SOX6: variants seen among roughly 807,000 people sequenced by gnomAD.
SOX6 encodes the protein SRY-box transcription factor 6, also known as transcription factor SOX-6.
Under a neutral mutation model 97.8 loss-of-function variants are expected in SOX6, and 11 were observed. That is an observed-to-expected ratio of 0.11 (90% CI 0.07 to 0.19). The LOEUF (loss-of-function observed/expected upper bound fraction) is 0.19, where lower values mean the gene tolerates loss of function less well. SOX6 is among the 10% of genes least tolerant of loss of function. SOX6 has a pLI of 1.00. For synonymous variants in SOX6, 360 were observed against 371.4 expected (o/e 0.97, Z 0.35); for missense variants, 810 against 1,039.5 (o/e 0.78, Z 3.04).
intron 1 of SOX6, among the ~76,000 whole-genome samples, chr11:16,455,081 T>A (rs1859788179): frequency 6.6e-6 from 1 of 152,022 alleles, no homozygotes; most frequent in South Asian, 2.1e-4. Context: ...GGACATAATT[T>A]CCCACTTGAA....
intron 3 of SOX6, among the ~76,000 whole-genome samples, chr11:16,304,260 T>G (rs1855351714): frequency 6.6e-6 from 1 of 152,184 alleles, no homozygotes; most frequent in South Asian, 2.1e-4. Flanking sequence ...TGCTGTGTTC[T>G]GAATTTTGTG....
At chr11:16,692,958 G>T (rs1482475316) in intron 3 of SOX6, among the ~76,000 whole-genome samples, 1 of 152,038 alleles carries the variant, frequency 6.6e-6, no homozygotes, top group Non-Finnish European at 1.5e-5. Flanking sequence ...GTCAAATACT[G>T]GCACTTTCAT....
chr11:16,407,514 T>C (rs1858712272), intron 1 of SOX6, among the ~76,000 whole-genome samples: 2 of 152,180 alleles, frequency 1.3e-5, no homozygotes, highest in African/African-American at 4.8e-5. Flanking sequence ...TCCCTACATG[T>C]AGCTTTAGGG....
At chr11:16,248,130 T>C (rs1202443986) in intron 3 of SOX6, among the ~76,000 whole-genome samples, 3 of 152,300 alleles carry the variant, frequency 2.0e-5, no homozygotes, top group African/African-American at 7.2e-5. Context: ...ATGTCTCACA[T>C]CCAGGTCATG....
At chr11:16,389,524 TTATC>T (rs1371844867) in intron 1 of SOX6, among the ~76,000 whole-genome samples, 1 of 152,198 alleles carries the variant, frequency 6.6e-6, no homozygotes, top group African/African-American at 2.4e-5. Context: ...TTTTAATAAT[TTATC>T]TCTCTCTACT....
In SOX6 at chr11:16,182,453, G is replaced by A. The variant is rs1329815265; in HGVS notation, c.777+1433C>T. Among the ~76,000 whole-genome samples the A allele has an allele frequency of 3.3e-5, 5 of 151,828 alleles. No individual in the cohort carries two copies. In the East Asian group the frequency reaches 9.7e-4, roughly 29 times the overall value. On this transcript the variant is annotated intron_variant, in intron 6 of 15. Coordinates refer to ENST00000683767, the MANE Select transcript of SOX6 (RefSeq NM_001367873.1). Reference sequence around the variant, plus strand: ...CAGGCTAAAAATCTTGACCTGAGCAGTAGGAGCTACACTGAAAATTCTAAT... The same window carrying A: ...CAGGCTAAAAATCTTGACCTGAGCAATAGGAGCTACACTGAAAATTCTAAT...
chr11:16,545,364 C>T (rs1008505261), intron 4 of SOX6, among the ~76,000 whole-genome samples: 1 of 149,900 alleles, frequency 6.7e-6, no homozygotes, highest in African/African-American at 2.4e-5. Context: ...AAAAAAGAAC[C>T]CACATCTCAA....
intron 3 of SOX6, among the ~76,000 whole-genome samples, chr11:16,301,948 A>G (rs1297211625): frequency 1.3e-5 from 2 of 151,544 alleles, no homozygotes; most frequent in Admixed American, 6.6e-5. Flanking sequence ...AACCTTCTCA[A>G]CTCTCTATAT....
chr11:16,122,499 T>C (rs1460903431), intron 6 of SOX6, among the ~76,000 whole-genome samples: 1 of 152,076 alleles, frequency 6.6e-6, no homozygotes, highest in Non-Finnish European at 1.5e-5. Context: ...GTGAATAATA[T>C]GGCATTCCTT....
chr11:16,038,076 C>T (rs1246124351), intron 12 of SOX6, among the ~76,000 whole-genome samples: 1 of 152,020 alleles, frequency 6.6e-6, no homozygotes, highest in Non-Finnish European at 1.5e-5. Context: ...AAGAATGCAA[C>T]AACTATTGAC....
At chr11:16,438,344 T>C (rs1859427933) in intron 1 of SOX6, among the ~76,000 whole-genome samples, 1 of 152,132 alleles carries the variant, frequency 6.6e-6, no homozygotes, top group Non-Finnish European at 1.5e-5. Flanking sequence ...AAGTAATATT[T>C]TAAGAGAAAA....
At chr11:16,387,679 A>G (rs1416509179) in intron 1 of SOX6, among the ~76,000 whole-genome samples, 1 of 152,120 alleles carries the variant, frequency 6.6e-6, no homozygotes, top group Non-Finnish European at 1.5e-5. Flanking sequence ...TTAAAAAATG[A>G]TCACTCTTCT....
chr11:16,087,953 C>T (rs188873009), intron 9 of SOX6, among the ~76,000 whole-genome samples: 1 of 152,006 alleles, frequency 6.6e-6, no homozygotes, highest in African/African-American at 2.4e-5. Flanking sequence ...GCAGCATCCT[C>T]ACCCTCTAGA....
At chr11:16,330,057 T>C (rs192626120) in intron 2 of SOX6, among the ~76,000 whole-genome samples, 6 of 152,308 alleles carry the variant, frequency 3.9e-5, no homozygotes, top group Admixed American at 3.9e-4. Flanking sequence ...CTTCTCTGAG[T>C]GTGTTCCAAT....
intron 6 of SOX6, among the ~76,000 whole-genome samples, chr11:16,120,010 A>C (rs1849448360): frequency 6.6e-6 from 1 of 152,134 alleles, no homozygotes. Context: ...ATGGATATAC[A>C]TTGTACAAAC....
At chr11:16,637,785 G>T (rs1009075466) in intron 3 of SOX6, among the ~76,000 whole-genome samples, 2 of 151,958 alleles carry the variant, frequency 1.3e-5, no homozygotes, top group African/African-American at 2.4e-5. Context: ...AGGTCGCTTT[G>T]GTCACCATCA....
chr11:16,624,465 C>T (rs905487469), intron 3 of SOX6, among the ~76,000 whole-genome samples: 12 of 152,084 alleles, frequency 7.9e-5, no homozygotes, highest in South Asian at 2.1e-4. Context: ...CATGAGCCAC[C>T]GTGCCCGGCC....
intron 1 of SOX6, among the ~76,000 whole-genome samples, chr11:16,462,283 A>T (rs1460836014): frequency 6.6e-6 from 1 of 152,270 alleles, no homozygotes; most frequent in Non-Finnish European, 1.5e-5. Flanking sequence ...AAACTACCAT[A>T]TGCCTGAAGC....
At chr11:15,983,189 A>G (rs1157541494) in intron 15 of SOX6, among the ~76,000 whole-genome samples, 1 of 152,108 alleles carries the variant, frequency 6.6e-6, no homozygotes, top group East Asian at 1.9e-4. Flanking sequence ...AGTGTGTTAT[A>G]CCCACACATA....
Sources: gnomAD v4.1 joint callset for allele counts (sites outside exome capture counted in the v4.1 genomes callset) on GRCh38, gnomAD v4.1.1 for gene constraint, MANE v1.5 for transcripts, NCBI Gene and HGNC (gene_info 2026-07-23, HGNC 2026-07-21) for gene names.